Variants in ASAP1 observed in about 807,000 individuals in gnomAD.
ASAP1 encodes ArfGAP with SH3 domain, ankyrin repeat and PH domain 1, also known as arf-GAP with SH3 domain, ANK repeat and PH domain-containing protein 1.
A neutral mutation model predicts 145.2 loss-of-function variants in ASAP1; 43 were observed. The observed-to-expected ratio is 0.30, with a 90% CI of 0.23 to 0.38. ASAP1 has a LOEUF of 0.38. ASAP1 is among the 10% of genes least tolerant of loss of function. The pLI is 1.00. For missense variants in ASAP1, 1,018 were observed against 1,355.3 expected (o/e 0.75, Z 3.91); for synonymous variants, 546 against 515.5 (o/e 1.06, Z -0.80).
intron 3 of ASAP1, among the ~76,000 whole-genome samples, chr8:130,322,564 T>G (rs1410857722): frequency 6.6e-6 from 1 of 152,206 alleles, no homozygotes; most frequent in Non-Finnish European, 1.5e-5. Flanking sequence ...AGGAATCAGA[T>G]AGGGGAAGTA....
intron 11 of ASAP1, chr8:130,160,776 T>C (rs751888292): frequency 1.6e-5 from 20 of 1,281,426 alleles, no homozygotes; most frequent in Admixed American, 9.4e-5. Flanking sequence ...ATAAAAAGTA[T>C]TGACTTACTC....
chr8:130,258,828 T>C (rs1321468316), intron 3 of ASAP1, among the ~76,000 whole-genome samples: 3 of 152,192 alleles, frequency 2.0e-5, no homozygotes, highest in African/African-American at 7.2e-5. Flanking sequence ...ACATACGTGG[T>C]GGTTGACTGA....
chr8:130,200,937 A>G (rs1815829666), intron 5 of ASAP1, among the ~76,000 whole-genome samples: 2 of 152,256 alleles, frequency 1.3e-5, no homozygotes, highest in African/African-American at 4.8e-5. Context: ...TCTCCGTAAC[A>G]CTAGGAAATT....
At chr8:130,162,025 C>T (rs1476356382) in intron 11 of ASAP1, among the ~76,000 whole-genome samples, 1 of 152,138 alleles carries the variant, frequency 6.6e-6, no homozygotes, top group East Asian at 1.9e-4. Flanking sequence ...GTCTTGAACT[C>T]CTGGACACAA....
chr8:130,441,331 A>G (rs1364006284), intron 1 of ASAP1, among the ~76,000 whole-genome samples: 1 of 152,206 alleles, frequency 6.6e-6, no homozygotes, highest in Admixed American at 6.5e-5. Flanking sequence ...AGGAGGTAAC[A>G]TGTCTAGGGC....
intron 1 of ASAP1, among the ~76,000 whole-genome samples, chr8:130,426,537 C>T (rs953048781): frequency 1.3e-5 from 2 of 152,194 alleles, no homozygotes; most frequent in African/African-American, 4.8e-5. Flanking sequence ...AAGCCCTCAT[C>T]CCCACCCCAT....
intron 27 of ASAP1, among the ~76,000 whole-genome samples, chr8:130,071,011 GGA>G (rs1230151527): frequency 2.4e-3 from 28 of 11,432 alleles, no homozygotes; most frequent in Non-Finnish European, 3.1e-3. Flanking sequence ...GGGGAGGGGG[GGA>G]GAGAGAGAGA....
chr8:130,167,670 G>A, intron 10 of ASAP1, 48 bp from the exon 11 acceptor site: 1 of 1,370,256 alleles, frequency 7.3e-7, no homozygotes, highest in Non-Finnish European at 1.0e-6. Flanking sequence ...CACTTTCACA[G>A]GCAGAGTTTA....
chr8:130,218,134 GCTGGAGCTACTC>G (rs1817050041), intron 4 of ASAP1, among the ~76,000 whole-genome samples: 1 of 151,812 alleles, frequency 6.6e-6, no homozygotes, highest in South Asian at 2.1e-4. Context: ...TCCCTCATGT[GCTGGAGCTACTC>G]CTGATACCTT....
intron 5 of ASAP1, among the ~76,000 whole-genome samples, chr8:130,210,149 T>C (rs1816489349): frequency 6.6e-6 from 1 of 152,194 alleles, no homozygotes; most frequent in African/African-American, 2.4e-5. Context: ...TGAGGCCTTA[T>C]TTCCCATCTA....
chr8:130,191,111 C>T (rs1815110229), intron 5 of ASAP1, among the ~76,000 whole-genome samples: 1 of 150,556 alleles, frequency 6.6e-6, no homozygotes, highest in Non-Finnish European at 1.5e-5. Context: ...TTTAAGATGG[C>T]ACAAAGAGGA....
At chr8:130,142,159 C>T (rs965463803) in intron 13 of ASAP1, among the ~76,000 whole-genome samples, 2 of 152,178 alleles carry the variant, frequency 1.3e-5, no homozygotes, top group Non-Finnish European at 2.9e-5. Context: ...AGTAACATTC[C>T]TAAGCTCTCC....
At chr8:130,389,616 A>G (rs1377440970) in intron 2 of ASAP1, among the ~76,000 whole-genome samples, 4 of 152,226 alleles carry the variant, frequency 2.6e-5, no homozygotes, top group Non-Finnish European at 1.5e-5. Context: ...TAACGTGTAT[A>G]AAGTTCTGGT....
intron 2 of ASAP1, chr8:130,386,680 G>C (rs1266783816): frequency 6.6e-6 from 1 of 152,208 alleles, no homozygotes; most frequent in Non-Finnish European, 1.5e-5. Context: ...CCTCTGCCGT[G>C]GTCTGTGGCT....
chr8:130,354,338 T>TAAGC (rs1826178088), intron 3 of ASAP1, among the ~76,000 whole-genome samples: 1 of 152,258 alleles, frequency 6.6e-6, no homozygotes, highest in Admixed American at 6.5e-5. Flanking sequence ...GAGGTAAATG[T>TAAGC]AAGCATTCAT....
chr8:130,306,465 A>T (rs752101363), intron 3 of ASAP1, among the ~76,000 whole-genome samples: 3 of 152,174 alleles, frequency 2.0e-5, no homozygotes, highest in Non-Finnish European at 2.9e-5. Context: ...ATCAATTCAA[A>T]GGCAAAGAGA....
intron 3 of ASAP1, among the ~76,000 whole-genome samples, chr8:130,329,884 C>G (rs1824570297): frequency 6.6e-6 from 1 of 152,182 alleles, no homozygotes; most frequent in African/African-American, 2.4e-5. Flanking sequence ...ACTGGAGCAA[C>G]ACAGTCTTAT....
chr8:130,262,457 A>AGAGAGAGT lies in ASAP1; in HGVS notation c.187-25464_187-25463insACTCTCTC, dbSNP rs796416744. Among the ~76,000 whole-genome samples, 400 of 127,598 alleles carry AGAGAGAGT rather than the reference A, an allele frequency of 3.1e-3. 7 individuals carry two copies. The highest frequency in any genetic ancestry group is 4.7e-3 in the Non-Finnish European group (287 of 60,740). 83.7% of individuals were successfully genotyped at this position (127,598 alleles called of 152,430 possible). A position where few individuals can be genotyped will look rare whatever the true frequency, so the allele number is the denominator to read the frequency against. ...GAGAGAGAGAGAGAGAGAGAGAGAG[A>AGAGAGAGT]ACCTGTGGAATTTCAGATAGGTTAG... On this transcript the variant is annotated intron_variant, in intron 3 of 29. Coordinates refer to ENST00000518721, the MANE Select transcript of ASAP1 (RefSeq NM_018482.4).
intron 2 of ASAP1, among the ~76,000 whole-genome samples, chr8:130,377,681 C>G (rs1827569856): frequency 6.6e-6 from 1 of 152,224 alleles, no homozygotes; most frequent in East Asian, 1.9e-4. Context: ...TGGCTTCTAC[C>G]TGGATTCAGG....
Sources: gnomAD v4.1 joint callset for allele counts (sites outside exome capture counted in the v4.1 genomes callset) on GRCh38, gnomAD v4.1.1 for gene constraint, MANE v1.5 for transcripts, NCBI Gene and HGNC (gene_info 2026-07-23, HGNC 2026-07-21) for gene names.